The following CD300LF variants were observed in gnomAD, a reference collection of about 807,000 sequenced individuals.
The protein encoded by CD300LF is CMRF35-like molecule 1.
CD300LF carries 27 observed loss-of-function variants against 32.2 expected under a neutral mutation model. The observed-to-expected ratio is 0.84, with a 90% confidence interval of 0.62 to 1.15. The LOEUF (loss-of-function observed/expected upper bound fraction) is 1.15, where lower values mean the gene tolerates loss of function less well. Ranked by LOEUF, CD300LF falls within the 50% of genes most tolerant of loss-of-function variation. The pLI, the probability that CD300LF is intolerant of heterozygous loss-of-function variation, is 0.00. For synonymous variants in CD300LF, 139 were observed against 143.2 expected (o/e 0.97, Z 0.21); for missense variants, 348 against 356.8 (o/e 0.98, Z 0.20).
rs183100929 is a variant in CD300LF at position 74,705,823 on chromosome 17, G to A, written c.44-1007C>T. Reference sequence around the variant, plus strand: ...TTGTCCAAGCTGGTCTCAAACTCCCGGGCTCAAGCGATCCACCCACCTCAG... The same window carrying A: ...TTGTCCAAGCTGGTCTCAAACTCCCAGGCTCAAGCGATCCACCCACCTCAG... On this transcript the variant is annotated intron_variant, in intron 1 of 6. Transcript: ENST00000326165. Among the ~76,000 whole-genome samples the A allele has an allele frequency of 3.1e-3, 471 of 152,164 alleles. 3 individuals are homozygous for A. Among genetic ancestry groups the A allele is most frequent in the Non-Finnish European group, 4.0e-3 (274 of 68,000 alleles).
intron 1 of CD300LF, among the ~76,000 whole-genome samples, chr17:74,705,738 G>A (rs1197257649): frequency 6.6e-6 from 1 of 152,016 alleles, no homozygotes; most frequent in African/African-American, 2.4e-5. Context: ...GGGACTACAG[G>A]CACATGCCTC....
chr17:74,696,063 G>T, intron 5 of CD300LF, 132 bp downstream of exon 5: 1 of 1,314,890 alleles, frequency 7.6e-7, no homozygotes, highest in Non-Finnish European at 1.1e-6. Context: ...CCCAGGCCCT[G>T]CAGGGTGCCA....
Position 74,694,899 on chromosome 17 carries a change from C to T in CD300LF, c.*197G>A, listed in dbSNP as rs552400094. The T allele has an allele frequency of 5.8e-6, 3 of 519,600 alleles. No homozygotes were observed. Among genetic ancestry groups the T allele is most frequent in the Non-Finnish European group, 6.8e-6 (2 of 295,214 alleles). 32.2% of individuals were successfully genotyped at this position (519,600 alleles called of 1,614,324 possible). On this transcript the variant is annotated 3_prime_UTR_variant, in exon 7 of 7. Coordinates refer to ENST00000326165, the MANE Select transcript of CD300LF (RefSeq NM_139018.5). ...CTCAACTATGTAGGAGAGGAGGGGA[C>T]GTTTAGAAAACCCCAACTCCTAGAA... is the stretch of plus-strand genomic sequence containing the variant.
rs2032392899 is a variant in CD300LF, at chr17:74,695,737, T to C, written c.705A>G (p.Glu235=). ...SSAQVDQVEV[E]YVTMASLPKE... is the part of the protein sequence containing the mutation. The stretch of plus-strand genomic sequence containing the variant: ...ATGGAGGACGCACCATGGTGACATA[T>C]TCCACTTCCACCTGGTCAACCTGGG... The change falls in exon 6 of 7, where the codon GAA becomes GAG. Residue 235 remains glutamate, a synonymous_variant. Transcript: ENST00000326165. 6.2e-7 allele frequency: 1 copy of C among 1,614,060 alleles called. No homozygotes were observed. The highest frequency in any genetic ancestry group is 8.5e-7 in the Non-Finnish European group (1 of 1,179,978).
rs745347251 is a variant in CD300LF, at chr17:74,694,874, C to T, written c.*222G>A. 2.8e-5 allele frequency: 13 copies of T among 465,718 alleles called. No homozygotes were observed. The highest frequency in any genetic ancestry group is 4.2e-5 in the Non-Finnish European group (11 of 263,574). The allele number at this position is 465,718 out of a possible 1,614,324, so 28.8% of individuals were successfully genotyped here. On this transcript the variant is annotated 3_prime_UTR_variant, in exon 7 of 7. Coordinates refer to ENST00000326165, the MANE Select transcript of CD300LF (RefSeq NM_139018.5). Reference sequence around the variant, plus strand: ...CCCAGAGCATATCCCTAGCCCCCTCCTCAACTATGTAGGAGAGGAGGGGAC... The same window carrying T: ...CCCAGAGCATATCCCTAGCCCCCTCTTCAACTATGTAGGAGAGGAGGGGAC...
At chr17:74,712,221 A>G (rs1309511736) in intron 1 of CD300LF, among the ~76,000 whole-genome samples, 2 of 152,074 alleles carry the variant, frequency 1.3e-5, no homozygotes, top group Non-Finnish European at 2.9e-5. Context: ...TTTTAATAAA[A>G]ATTGTATGCA....
chr17:74,705,956 G>A (rs934782653), intron 1 of CD300LF, among the ~76,000 whole-genome samples: 3 of 152,106 alleles, frequency 2.0e-5, no homozygotes, highest in African/African-American at 7.2e-5. Context: ...ACATGGATGT[G>A]GCTGGAGGCC....
At chr17:74,697,927 C>T (rs1321102998) in intron 4 of CD300LF, among the ~76,000 whole-genome samples, 3 of 152,118 alleles carry the variant, frequency 2.0e-5, no homozygotes, top group Non-Finnish European at 4.4e-5. Context: ...TGCCCATGAT[C>T]GCGCATGTGT....
chr17:74,711,665 C>G (rs1018031984), intron 1 of CD300LF, among the ~76,000 whole-genome samples: 7 of 152,126 alleles, frequency 4.6e-5, no homozygotes, highest in Non-Finnish European at 1.0e-4. Context: ...ATCTACTGTT[C>G]CCTGTGCCTG....
chr17:74,712,611 G>A (rs1392599206), intron 1 of CD300LF, among the ~76,000 whole-genome samples: 1 of 152,220 alleles, frequency 6.6e-6, no homozygotes, highest in Non-Finnish European at 1.5e-5. Flanking sequence ...CTGGGGGTCA[G>A]GAATTCTGCC....
intron 3 of CD300LF, among the ~76,000 whole-genome samples, chr17:74,699,338 C>A (rs1456957658): frequency 6.6e-6 from 1 of 152,160 alleles, no homozygotes; most frequent in East Asian, 1.9e-4. Context: ...TCTACACCTG[C>A]CCTCTCTACT....
chr17:74,699,804 G>A (rs1394854588), intron 3 of CD300LF, among the ~76,000 whole-genome samples: 1 of 152,002 alleles, frequency 6.6e-6, no homozygotes, highest in Non-Finnish European at 1.5e-5. Flanking sequence ...GCAGCCGGGG[G>A]GCCTGTGAAC....
At chr17:74,697,400 A>C in intron 4 of CD300LF, among the ~76,000 whole-genome samples, 1 of 152,234 alleles carries the variant, frequency 6.6e-6, no homozygotes, top group African/African-American at 2.4e-5. Flanking sequence ...TAGATGCTGG[A>C]GAACACAGAA....
rs78678938 is a variant in CD300LF at position 74,702,634 on chromosome 17, C to T, written c.446+401G>A. ...GAAGTTGAACCAAGAGTCATCCCTG[C>T]GGCTCCATGACCCCACGCCCACACT... On this transcript the variant is annotated intron_variant, in intron 3 of 6. Coordinates refer to ENST00000326165, the MANE Select transcript of CD300LF (RefSeq NM_139018.5). 2.8e-3 allele frequency among the ~76,000 whole-genome samples: 423 copies of T among 152,248 alleles called. 17 individuals are homozygous for T. In the East Asian group the frequency reaches 0.071, roughly 25 times the overall value.
intron 1 of CD300LF, among the ~76,000 whole-genome samples, chr17:74,708,096 C>T (rs1480792523): frequency 4.1e-5 from 6 of 147,134 alleles, no homozygotes; most frequent in African/African-American, 7.6e-5. Flanking sequence ...TTCAGTGAGC[C>T]GAGATCACAT....
intron 1 of CD300LF, among the ~76,000 whole-genome samples, chr17:74,710,250 C>T (rs1598284593): frequency 6.6e-6 from 1 of 152,094 alleles, no homozygotes; most frequent in African/African-American, 2.4e-5. Flanking sequence ...GCTGGGATTA[C>T]AGGCGTGAGC....
At position 74,704,669 on chromosome 17, in the gene CD300LF, A is replaced by T; in HGVS notation, c.191T>A (p.Ile64Asn). Reference sequence around the variant, plus strand: ...CTCTGACCCACTGGTTTTAACAAGGATCTTGCAGTCACGCCAAATAGCTCC... The same window carrying T: ...CTCTGACCCACTGGTTTTAACAAGGTTCTTGCAGTCACGCCAAATAGCTCC... Reference protein sequence around the residue: ...CRGAIWRDCKILVKTSGSEQE... With the variant: ...CRGAIWRDCKNLVKTSGSEQE... Residue 64 changes from isoleucine to asparagine, a missense_variant, in exon 2 of 7, where the codon ATC becomes AAC. Ile to Asn is a moderately radical substitution (Grantham distance 149). Transcript: ENST00000326165. 1 of 1,614,146 alleles carries T rather than the reference A, an allele frequency of 6.2e-7. No homozygotes were observed. Among genetic ancestry groups the T allele is most frequent in the South Asian group, 1.1e-5 (1 of 91,070 alleles).
chr17:74,699,980 AAAAATAC>A (rs2032887627), intron 3 of CD300LF, among the ~76,000 whole-genome samples: 1 of 151,830 alleles, frequency 6.6e-6, no homozygotes, highest in Admixed American at 6.6e-5. Context: ...GTCTCTACCA[AAAAATAC>A]AAAAATTAGC....
At chr17:74,711,906 C>CTTT (rs71361629) in intron 1 of CD300LF, among the ~76,000 whole-genome samples, 4 of 123,670 alleles carry the variant, frequency 3.2e-5, no homozygotes, top group Admixed American at 8.5e-5. Context: ...TTTCTTTTTT[C>CTTT]TTTTTTTTTT....
Sources: gnomAD v4.1 joint callset for allele counts (sites outside exome capture counted in the v4.1 genomes callset) on GRCh38, gnomAD v4.1.1 for gene constraint, MANE v1.5 for transcripts, NCBI Gene and HGNC (gene_info 2026-07-23, HGNC 2026-07-21) for gene names.